The following TMTC2 variants were observed in gnomAD, a reference collection of about 807,000 sequenced individuals.
TMTC2 encodes protein O-mannosyl-transferase TMTC2.
In TMTC2, 43 loss-of-function variants were observed where a neutral mutation model predicts 82.4. That is an observed-to-expected ratio of 0.52 (90% CI 0.41 to 0.67). The LOEUF (loss-of-function observed/expected upper bound fraction) is 0.67, where lower values mean the gene tolerates loss of function less well. Among genes scored for constraint, TMTC2 ranks in the 30% least tolerant of loss-of-function variants. The probability of loss-of-function intolerance (pLI) is 0.00; values close to 1 mark genes in which losing one functional copy is unlikely to be tolerated. For synonymous variants in TMTC2, 408 were observed against 381.9 expected, an observed-to-expected ratio of 1.07 and a Z score of -0.80; for missense variants, 919 against 1,012.4, an observed-to-expected ratio of 0.91 and a Z score of 1.25.
Position 83,095,551 on chromosome 12 carries a change from C to G in TMTC2, c.2331+33720C>G, listed in dbSNP as rs1322195876. ...CATCGCAAAATTTTATGTTTTTTGGCCTGAGCAACTTTCAGAAGGATAGAG... is the reference window on the plus strand; with the variant it reads ...CATCGCAAAATTTTATGTTTTTTGGGCTGAGCAACTTTCAGAAGGATAGAG... On this transcript the variant is annotated intron_variant, in intron 11 of 11. Transcript: ENST00000321196. 3.3e-5 allele frequency among the ~76,000 whole-genome samples: 5 copies of G among 151,954 alleles called. No homozygotes were observed. The East Asian group carries it at 9.7e-4, about 29-fold the overall frequency.
At chr12:82,772,903 C>G (rs1877384193) in intron 1 of TMTC2, among the ~76,000 whole-genome samples, 1 of 152,076 alleles carries the variant, frequency 6.6e-6, no homozygotes, top group African/African-American at 2.4e-5. Flanking sequence ...AGACAGCTCT[C>G]TTTCCTAGGT....
In TMTC2 at chr12:82,687,578, G is replaced by T. The variant is rs1232411908; in HGVS notation, c.-9G>T. ...CTGGGAGCCGAGCCGGAGGGAAGGC[G>T]GTGGAGAGATGATTGCAGAGTTGGT... On this transcript the variant is annotated 5_prime_UTR_variant, in exon 1 of 12. Coordinates refer to ENST00000321196, the MANE Select transcript of TMTC2 (RefSeq NM_152588.3). 3.1e-6 allele frequency: 5 copies of T among 1,593,484 alleles called. No individual in the cohort carries two copies. The East Asian group carries it at 6.8e-5, about 22-fold the overall frequency.
At chr12:82,709,692 A>G (rs1873533988) in intron 1 of TMTC2, among the ~76,000 whole-genome samples, 1 of 152,204 alleles carries the variant, frequency 6.6e-6, no homozygotes, top group Admixed American at 6.5e-5. Context: ...AACAAAAAAC[A>G]AAAAACAAAA....
At chr12:82,979,951 G>A (rs1435081195) in intron 7 of TMTC2, among the ~76,000 whole-genome samples, 1 of 151,680 alleles carries the variant, frequency 6.6e-6, no homozygotes, top group Non-Finnish European at 1.5e-5. Context: ...AAAGTCTGCT[G>A]CCTCACATAT....
chr12:83,110,199 C>T (rs1293511571), intron 11 of TMTC2, among the ~76,000 whole-genome samples: 5 of 152,140 alleles, frequency 3.3e-5, no homozygotes, highest in Non-Finnish European at 7.3e-5. Flanking sequence ...ATAAATTATT[C>T]GTGCTTCCAA....
At chr12:82,881,860 AC>A (rs1872838495) in intron 2 of TMTC2, among the ~76,000 whole-genome samples, 1 of 152,166 alleles carries the variant, frequency 6.6e-6, no homozygotes, top group African/African-American at 2.4e-5. Context: ...TTACTATTTT[AC>A]TTTTCAAGAA....
intron 1 of TMTC2, among the ~76,000 whole-genome samples, chr12:82,822,130 G>T (rs1869153230): frequency 6.6e-6 from 1 of 152,146 alleles, no homozygotes; most frequent in South Asian, 2.1e-4. Flanking sequence ...AACTATGGAG[G>T]CAGTAAAAGA....
chr12:82,768,034 T>C (rs993259283), intron 1 of TMTC2, among the ~76,000 whole-genome samples: 1 of 152,246 alleles, frequency 6.6e-6, no homozygotes, highest in Admixed American at 6.5e-5. Context: ...TACTTACTCA[T>C]CTTTACCTAT....
chr12:82,760,817 C>A (rs940675196), intron 1 of TMTC2: 43 of 402,738 alleles, frequency 1.1e-4, no homozygotes, highest in African/African-American at 9.0e-4. Context: ...AGGTTTCATA[C>A]TTGTTATGAA....
intron 11 of TMTC2, among the ~76,000 whole-genome samples, chr12:83,130,584 T>C (rs548948687): frequency 7.2e-5 from 11 of 152,154 alleles, no homozygotes; most frequent in Non-Finnish European, 1.2e-4. Flanking sequence ...TAGTTGAAGA[T>C]TTAAGGGAAT....
At chr12:82,842,869 C>T (rs946086390) in intron 1 of TMTC2, among the ~76,000 whole-genome samples, 3 of 152,102 alleles carry the variant, frequency 2.0e-5, no homozygotes, top group Non-Finnish European at 2.9e-5. Context: ...TTAGGACCCA[C>T]CCGAAATGCC....
chr12:82,754,202 T>A (rs1380932478), intron 1 of TMTC2, among the ~76,000 whole-genome samples: 1 of 152,182 alleles, frequency 6.6e-6, no homozygotes, highest in Non-Finnish European at 1.5e-5. Flanking sequence ...AGGTACTCCT[T>A]TCTTAGTGGC....
intron 11 of TMTC2, among the ~76,000 whole-genome samples, chr12:83,116,155 A>G (rs1026814962): frequency 6.6e-6 from 1 of 152,064 alleles, no homozygotes; most frequent in African/African-American, 2.4e-5. Flanking sequence ...GCTCCCACTT[A>G]TGAGTGAGAC....
At chr12:83,077,880 C>T (rs996617883) in intron 11 of TMTC2, among the ~76,000 whole-genome samples, 23 of 92,948 alleles carry the variant, frequency 2.5e-4, no homozygotes, top group South Asian at 4.3e-4. Flanking sequence ...GACAATCTGT[C>T]TTTTTTTTTT....
intron 11 of TMTC2, among the ~76,000 whole-genome samples, chr12:83,071,652 T>C (rs1362415297): frequency 6.6e-6 from 1 of 152,206 alleles, no homozygotes; most frequent in Non-Finnish European, 1.5e-5. Flanking sequence ...TTGTTTTTGG[T>C]AATTTTTTAA....
At chr12:83,116,750 A>G (rs901136840) in intron 11 of TMTC2, among the ~76,000 whole-genome samples, 2 of 151,852 alleles carry the variant, frequency 1.3e-5, no homozygotes, top group Admixed American at 1.3e-4. Context: ...AGAATTGTCT[A>G]TTCATGTCCT....
At chr12:82,993,168 A>G (rs973368987) in intron 8 of TMTC2, among the ~76,000 whole-genome samples, 1 of 152,050 alleles carries the variant, frequency 6.6e-6, no homozygotes, top group African/African-American at 2.4e-5. Flanking sequence ...TATTTTTAAT[A>G]GGGATGGGGT....
At chr12:82,876,601 CA>C (rs1379605930) in intron 2 of TMTC2, among the ~76,000 whole-genome samples, 10 of 152,190 alleles carry the variant, frequency 6.6e-5, no homozygotes, top group African/African-American at 2.4e-4. Context: ...CTCATCAGGC[CA>C]AAATCTTAAA....
chr12:82,936,285 C>T (rs565564939), intron 4 of TMTC2, among the ~76,000 whole-genome samples: 5 of 152,012 alleles, frequency 3.3e-5, no homozygotes, highest in East Asian at 1.9e-4. Flanking sequence ...GTCAAATCTT[C>T]GATGAAGTGA....
Sources: allele counts gnomAD v4.1 joint callset (sites outside exome capture counted in the v4.1 genomes callset), GRCh38; gene constraint gnomAD v4.1.1; transcripts MANE v1.5; gene names NCBI Gene and HGNC (gene_info 2026-07-23, HGNC 2026-07-21).